The following ORC3 variants were observed in gnomAD, a reference collection of about 807,000 sequenced individuals.
The protein encoded by ORC3 is origin recognition complex subunit 3.
In ORC3, 78 loss-of-function variants were observed where a neutral mutation model predicts 100.7. The ratio of observed to expected loss-of-function variants is 0.77; its 90% CI spans 0.65 to 0.94. The LOEUF (loss-of-function observed/expected upper bound fraction) is 0.94, where lower values mean the gene tolerates loss of function less well. ORC3 is among the 40% of genes least tolerant of loss of function. The pLI is 0.00. For missense variants in ORC3, 789 were observed against 823.9 expected, an observed-to-expected ratio of 0.96 and a Z score of 0.52; for synonymous variants, 295 against 289.3, an observed-to-expected ratio of 1.02 and a Z score of -0.20.
chr6:87,664,499 A>C (rs372649060), intron 17 of ORC3, among the ~76,000 whole-genome samples: 1 of 152,200 alleles, frequency 6.6e-6, no homozygotes, highest in East Asian at 1.9e-4. Flanking sequence ...ATTGAAATGA[A>C]AAATATGCTT....
rs1472704154 is a variant in ORC3, at chr6:87,621,446, T to C, written c.1080T>C (p.Asn360=). 3 of 1,603,370 alleles carry C rather than the reference T, an allele frequency of 1.9e-6. No homozygotes were observed. The highest frequency in any genetic ancestry group is 2.3e-5 in the East Asian group (1 of 44,182). ...AAAGAAGAATAAATTTTTTATCAAA[T>C]AATCAATGTGAAAACATCCGACGTC... ...EAKRRINFLS[N]NQCENIRRLP... The change falls in exon 10 of 20, where the codon AAT becomes AAC. Residue 360 remains asparagine (N), a synonymous_variant. Coordinates refer to ENST00000392844, the MANE Select transcript of ORC3 (RefSeq NM_012381.4).
intron 8 of ORC3, 29 bp downstream of exon 8, chr6:87,612,277 T>C (rs1444303502): frequency 1.9e-6 from 3 of 1,539,160 alleles, no homozygotes; most frequent in Admixed American, 2.1e-5. Flanking sequence ...ACCAGTGAAA[T>C]AGGATGAAAA....
chr6:87,624,809 C>T (rs1779776418), intron 11 of ORC3, among the ~76,000 whole-genome samples: 1 of 152,086 alleles, frequency 6.6e-6, no homozygotes, highest in Non-Finnish European at 1.5e-5. Flanking sequence ...TCGTCATTTA[C>T]ATTAGGTATA....
intron 18 of ORC3, 127 bp from the exon 19 acceptor site, chr6:87,665,627 T>C: frequency 1.6e-6 from 1 of 616,468 alleles, no homozygotes; most frequent in South Asian, 2.0e-5. Context: ...AGTGTAGTTT[T>C]GACAATCTTA....
chr6:87,626,251 C>T (rs914426152), intron 11 of ORC3, among the ~76,000 whole-genome samples: 1 of 152,130 alleles, frequency 6.6e-6, no homozygotes, highest in African/African-American at 2.4e-5. Flanking sequence ...ATGGGGATGG[C>T]ATTGAATCTA....
chr6:87,593,386 A>G (rs1304816141), intron 1 of ORC3, among the ~76,000 whole-genome samples: 1 of 152,248 alleles, frequency 6.6e-6, no homozygotes, highest in Non-Finnish European at 1.5e-5. Flanking sequence ...TCAGGGAGAC[A>G]CACCCATAAA....
At chr6:87,616,279 A>C in intron 8 of ORC3, 35 bp from the exon 9 acceptor site, 2 of 778,320 alleles carry the variant, frequency 2.6e-6, no homozygotes, top group Non-Finnish European at 2.3e-6. Flanking sequence ...AAGACTAACA[A>C]GGAGTGTGTC....
intron 1 of ORC3, among the ~76,000 whole-genome samples, chr6:87,590,908 G>A (rs6454634): frequency 0.32 from 49,106 of 152,020 alleles, 8,031 homozygotes; most frequent in Admixed American, 0.41. Flanking sequence ...TGTGTGGTGG[G>A]ATATCTTATA....
Position 87,616,295 on chromosome 6 carries a change from C to G in ORC3, c.874-19C>G. 1.1e-6 allele frequency: 1 copy of G among 908,014 alleles called. No individual in the cohort carries two copies. The allele number at this position is 908,014 out of a possible 1,614,324, so 56.2% of individuals were successfully genotyped here. Reference sequence around the variant, plus strand: ...AGACTAACAAGGAGTGTGTCCCCCTCCCTTTTAATCTCTTTCAGCTACTTC... The same window carrying G: ...AGACTAACAAGGAGTGTGTCCCCCTGCCTTTTAATCTCTTTCAGCTACTTC... On this transcript the variant is annotated intron_variant, in intron 8 of 19. Coordinates refer to ENST00000392844, the MANE Select transcript of ORC3 (RefSeq NM_012381.4).
chr6:87,639,282 T>C (rs1391985735), intron 13 of ORC3, among the ~76,000 whole-genome samples: 1 of 152,162 alleles, frequency 6.6e-6, no homozygotes, highest in Non-Finnish European at 1.5e-5. Context: ...TTCAGGTTAG[T>C]ATGGCTGTAG....
intron 14 of ORC3, 91 bp from the exon 15 acceptor site, chr6:87,656,815 G>T: frequency 3.9e-6 from 3 of 774,374 alleles, no homozygotes; most frequent in Admixed American, 2.4e-5. Context: ...ATATATATAG[G>T]TGAAACTTTT....
At chr6:87,624,137 G>C (rs969464892) in intron 11 of ORC3, among the ~76,000 whole-genome samples, 2 of 152,060 alleles carry the variant, frequency 1.3e-5, no homozygotes, top group East Asian at 3.9e-4. Context: ...CCCTGAAAAA[G>C]TTAGCTGCAG....
At chr6:87,609,468 AAT>A (rs1778589122) in intron 7 of ORC3, 1 of 350,190 alleles carries the variant, frequency 2.9e-6, no homozygotes, top group Non-Finnish European at 5.1e-6. Flanking sequence ...GATAGTATTA[AAT>A]ATGGTTTTTC....
At chr6:87,628,497 G>A (rs1431861643) in intron 11 of ORC3, among the ~76,000 whole-genome samples, 1 of 152,170 alleles carries the variant, frequency 6.6e-6, no homozygotes, top group Non-Finnish European at 1.5e-5. Flanking sequence ...GCAGGTGACA[G>A]TTGAAGTTTT....
chr6:87,621,627 A>G (rs1364898338), intron 10 of ORC3, 140 bp downstream of exon 10: 2 of 682,486 alleles, frequency 2.9e-6, no homozygotes, highest in Non-Finnish European at 4.5e-6. Context: ...CCCTTGTTGG[A>G]TTTGAAAATT....
At chr6:87,623,099 A>G (rs911465946) in intron 11 of ORC3, among the ~76,000 whole-genome samples, 1 of 152,266 alleles carries the variant, frequency 6.6e-6, no homozygotes, top group African/African-American at 2.4e-5. Context: ...ACAATTATAT[A>G]TCCATTTAAA....
intron 8 of ORC3, 65 bp from the exon 9 acceptor site, chr6:87,616,249 C>T (rs1251808834): frequency 1.6e-6 from 1 of 622,344 alleles, no homozygotes; most frequent in Non-Finnish European, 2.9e-6. Flanking sequence ...ATTATTAATA[C>T]TTAGTATTTA....
chr6:87,675,878 C>T, the ORC3 span: 5 of 1,613,746 alleles, frequency 3.1e-6, no homozygotes, highest in Non-Finnish European at 4.2e-6. Flanking sequence ...GGCTGTTCTC[C>T]ATATCGTCGC....
At chr6:87,599,034 C>G (rs1403303652) in intron 2 of ORC3, among the ~76,000 whole-genome samples, 1 of 152,180 alleles carries the variant, frequency 6.6e-6, no homozygotes, top group Non-Finnish European at 1.5e-5. Flanking sequence ...TGAAGTATAG[C>G]ACTGTGAATA....
Sources: allele counts gnomAD v4.1 joint callset (sites outside exome capture counted in the v4.1 genomes callset), GRCh38; gene constraint gnomAD v4.1.1; transcripts MANE v1.5; gene names NCBI Gene and HGNC (gene_info 2026-07-23, HGNC 2026-07-21).